The following TRHDE variants were observed in gnomAD, a reference collection of about 807,000 sequenced individuals.
TRHDE encodes thyrotropin-releasing hormone-degrading ectoenzyme.
Under a neutral mutation model 125.7 loss-of-function variants are expected in TRHDE, and 72 were observed. That is an observed-to-expected ratio of 0.57 (90% CI 0.47 to 0.70). The LOEUF is 0.70. Among genes scored for constraint, TRHDE ranks in the 30% least tolerant of loss-of-function variants. The pLI is 0.00. For synonymous variants in TRHDE, 509 were observed against 509.1 expected, an observed-to-expected ratio of 1.00 and a Z score of 0.00; for missense variants, 1,110 against 1,327.1, an observed-to-expected ratio of 0.84 and a Z score of 2.54.
chr12:72,282,458 C>T (rs1475141790), intron 1 of TRHDE, among the ~76,000 whole-genome samples: 1 of 152,094 alleles, frequency 6.6e-6, no homozygotes, highest in Non-Finnish European at 1.5e-5. Context: ...TGAAGGCAAC[C>T]ATAAAATATA....
intron 3 of TRHDE, among the ~76,000 whole-genome samples, chr12:72,394,200 CT>C (rs1287057530): frequency 1.3e-5 from 2 of 152,146 alleles, no homozygotes; most frequent in East Asian, 3.8e-4. Flanking sequence ...ACAATACTTT[CT>C]GAGCTCTCAA....
intron 3 of TRHDE, among the ~76,000 whole-genome samples, chr12:72,396,905 G>A (rs1447872292): frequency 6.6e-6 from 1 of 152,020 alleles, no homozygotes; most frequent in African/African-American, 2.4e-5. Flanking sequence ...TCCAAGAATG[G>A]ACTCCTTGGT....
intron 7 of TRHDE, among the ~76,000 whole-genome samples, chr12:72,557,647 C>A (rs1869984112): frequency 6.6e-6 from 1 of 152,136 alleles, no homozygotes; most frequent in African/African-American, 2.4e-5. Flanking sequence ...TCACTCTTTA[C>A]TTTTCCCCTT....
chr12:72,561,392 T>C (rs1388367121), intron 7 of TRHDE, among the ~76,000 whole-genome samples: 1 of 152,184 alleles, frequency 6.6e-6, no homozygotes, highest in African/African-American at 2.4e-5. Context: ...TATAACACTA[T>C]TTTCATATTC....
At chr12:72,595,701 A>T (rs1394883115) in intron 12 of TRHDE, among the ~76,000 whole-genome samples, 1 of 152,186 alleles carries the variant, frequency 6.6e-6, no homozygotes, top group Non-Finnish European at 1.5e-5. Flanking sequence ...GCAAGTTACT[A>T]ACTTCTCTTA....
chr12:72,459,052 G>A (rs1404234069), intron 3 of TRHDE, among the ~76,000 whole-genome samples: 1 of 152,048 alleles, frequency 6.6e-6, no homozygotes, highest in Admixed American at 6.6e-5. Flanking sequence ...AGGCTTTAGG[G>A]GAAAATCACT....
chr12:72,549,953 G>A (rs1032703776), intron 7 of TRHDE, among the ~76,000 whole-genome samples: 14 of 151,648 alleles, frequency 9.2e-5, no homozygotes, highest in African/African-American at 2.2e-4. Context: ...TAAAAAACTC[G>A]TATTTTTAGA....
intron 10 of TRHDE, among the ~76,000 whole-genome samples, chr12:72,569,993 T>C (rs906898867): frequency 1.3e-5 from 2 of 152,178 alleles, no homozygotes; most frequent in East Asian, 3.9e-4. Context: ...GTTATAATGA[T>C]CAAATTAGAA....
chr12:72,415,014 A>G (rs562673003), intron 3 of TRHDE, among the ~76,000 whole-genome samples: 3 of 152,126 alleles, frequency 2.0e-5, no homozygotes. Context: ...CTATGCAGGC[A>G]CTTCTGTCTT....
chr12:72,207,931 C>G (rs1877701654), intron 2 of TRHDE, among the ~76,000 whole-genome samples: 1 of 152,128 alleles, frequency 6.6e-6, no homozygotes, highest in Admixed American at 6.5e-5. Flanking sequence ...CTGCTTTTGT[C>G]TCTGATGTCA....
intron 12 of TRHDE, among the ~76,000 whole-genome samples, chr12:72,576,660 T>TA (rs544674102): frequency 2.6e-5 from 4 of 152,022 alleles, no homozygotes; most frequent in African/African-American, 9.7e-5. Flanking sequence ...CTTTTCTATT[T>TA]AAAAAAATAC....
upstream of TRHDE, among the ~76,000 whole-genome samples, chr12:72,270,681 A>G (rs1394588774): frequency 6.6e-6 from 1 of 152,210 alleles, no homozygotes; most frequent in Admixed American, 6.5e-5. Flanking sequence ...GAAGCCAATC[A>G]CACTTTGTTT....
intron 2 of TRHDE, chr12:72,140,287 G>C (rs1031945568): frequency 1.3e-5 from 2 of 152,180 alleles, no homozygotes; most frequent in Non-Finnish European, 2.9e-5. Flanking sequence ...TTTCAACTCA[G>C]ACACTCCCTT....
chr12:72,597,709 G>GTATA (rs1227448318), intron 12 of TRHDE, among the ~76,000 whole-genome samples: 1 of 56,950 alleles, frequency 1.8e-5, no homozygotes, highest in Non-Finnish European at 3.4e-5. Flanking sequence ...ATGTGTGTGT[G>GTATA]TATGTATATA....
intron 10 of TRHDE, among the ~76,000 whole-genome samples, chr12:72,572,151 C>T (rs10082721): frequency 0.14 from 20,526 of 151,946 alleles, 1,475 homozygotes; most frequent in Middle Eastern, 0.23. Flanking sequence ...GTGAGAAGAC[C>T]AGTATGTATT....
intron 2 of TRHDE, chr12:72,256,895 A>G (rs1490686566): frequency 1.3e-5 from 2 of 152,220 alleles, no homozygotes; most frequent in African/African-American, 4.8e-5. Context: ...GGATGAAAGC[A>G]AATAGCACTC....
chr12:72,296,391 G>A (rs1278584011), intron 2 of TRHDE, among the ~76,000 whole-genome samples: 2 of 152,206 alleles, frequency 1.3e-5, no homozygotes, highest in Non-Finnish European at 2.9e-5. Flanking sequence ...GAGGAGCAAA[G>A]GTTTACCACT....
chr12:72,387,422 T>A (rs1305908471), intron 3 of TRHDE, among the ~76,000 whole-genome samples: 1 of 152,208 alleles, frequency 6.6e-6, no homozygotes, highest in Non-Finnish European at 1.5e-5. Context: ...CATACTCTTT[T>A]GCTTTCCATT....
Position 72,273,618 on chromosome 12 carries a change from C to A in TRHDE, c.914+61C>A. The A allele has an allele frequency of 6.8e-7, 1 of 1,470,020 alleles. No homozygotes were observed. Among genetic ancestry groups the A allele is most frequent in the East Asian group, 2.3e-5 (1 of 43,678 alleles). 91.1% of individuals were successfully genotyped at this position (1,470,020 alleles called of 1,614,324 possible). A position where few individuals can be genotyped will look rare whatever the true frequency, so the allele number is the denominator to read the frequency against. ...CCGGCGCGCGGCTCGAACCTCTGGG[C>A]GGCCTGCGACCCCGGGGACCCAGCT... On this transcript the variant is annotated intron_variant, in intron 1 of 18. Transcript: ENST00000261180. This position sits in a 1 kb window ranked among gnomAD's most constrained non-coding sequence, Gnocchi z 5.3.
Sources: allele counts gnomAD v4.1 joint callset (sites outside exome capture counted in the v4.1 genomes callset), GRCh38; gene constraint gnomAD v4.1.1; non-coding constraint Gnocchi (gnomAD v3.1); transcripts MANE v1.5; gene names NCBI Gene and HGNC (gene_info 2026-07-23, HGNC 2026-07-21).